Variants in SMYD3 observed in about 807,000 individuals in gnomAD.
SMYD3 encodes the protein SET and MYND domain containing 3.
Under a neutral mutation model 57.7 loss-of-function variants are expected in SMYD3, and 36 were observed. That is an observed-to-expected ratio of 0.62 (90% CI 0.48 to 0.82). The LOEUF (loss-of-function observed/expected upper bound fraction) is 0.82. SMYD3 is among the 40% of genes least tolerant of loss of function. SMYD3 has a pLI of 0.00. For synonymous variants in SMYD3, 211 were observed against 195.0 expected, an observed-to-expected ratio of 1.08 and a Z score of -0.68; for missense variants, 515 against 538.8, an observed-to-expected ratio of 0.96 and a Z score of 0.44.
intron 1 of SMYD3, among the ~76,000 whole-genome samples, chr1:246,373,539 T>C (rs1363161736): frequency 6.6e-6 from 1 of 152,162 alleles, no homozygotes; most frequent in Non-Finnish European, 1.5e-5. Context: ...CAACTTACAA[T>C]AATAAAATCA....
intron 5 of SMYD3, among the ~76,000 whole-genome samples, chr1:246,318,500 AT>A (rs1242292984): frequency 6.6e-6 from 1 of 152,244 alleles, no homozygotes; most frequent in African/African-American, 2.4e-5. Context: ...GACCTCCTGC[AT>A]ACAATGAAGG....
intron 5 of SMYD3, among the ~76,000 whole-genome samples, chr1:246,112,560 GA>G (rs1265837282): frequency 8.5e-5 from 13 of 152,130 alleles, no homozygotes; most frequent in African/African-American, 3.1e-4. Flanking sequence ...AAAGGGATCA[GA>G]GCTAAATGGA....
chr1:246,311,657 G>A (rs548896330), intron 5 of SMYD3, among the ~76,000 whole-genome samples: 7 of 152,188 alleles, frequency 4.6e-5, no homozygotes, highest in Non-Finnish European at 7.4e-5. Flanking sequence ...ACACACACGC[G>A]CACGCGCGCA....
intron 11 of SMYD3, among the ~76,000 whole-genome samples, chr1:245,763,270 A>G (rs2045929807): frequency 6.6e-6 from 1 of 152,116 alleles, no homozygotes; most frequent in Non-Finnish European, 1.5e-5. Flanking sequence ...CATGGCACTG[A>G]GCTGGTTGCC....
chr1:246,461,994 C>CA (rs1475746685), intron 1 of SMYD3, among the ~76,000 whole-genome samples: 1 of 152,116 alleles, frequency 6.6e-6, no homozygotes, highest in Non-Finnish European at 1.5e-5. Context: ...AAGTGCAACA[C>CA]AGAGTAGAGT....
chr1:245,920,093 C>T (rs1464558750), intron 7 of SMYD3, among the ~76,000 whole-genome samples: 1 of 152,124 alleles, frequency 6.6e-6, no homozygotes. Context: ...GCGGTAGGAT[C>T]ACGAGGTCAG....
At chr1:245,809,435 C>T (rs1305699432) in intron 10 of SMYD3, among the ~76,000 whole-genome samples, 1 of 152,144 alleles carries the variant, frequency 6.6e-6, no homozygotes, top group Non-Finnish European at 1.5e-5. Context: ...AGGAGAGGCG[C>T]TTTCTTCCCA....
At chr1:246,205,092 CT>C (rs923523501) in intron 5 of SMYD3, among the ~76,000 whole-genome samples, 3 of 152,190 alleles carry the variant, frequency 2.0e-5, no homozygotes, top group African/African-American at 7.2e-5. Flanking sequence ...CACTTATGAA[CT>C]GTCAAAATTA....
rs1207043419 is a variant in SMYD3, at chr1:246,411,996, TAAG to T, written c.165-56905_165-56903del. Among the ~76,000 whole-genome samples, 38 of 149,846 alleles carry T rather than the reference TAAG, an allele frequency of 2.5e-4. No individual in the cohort carries two copies. In the East Asian group the frequency reaches 6.4e-3, roughly 25 times the overall value. Reference sequence around the variant, plus strand: ...ATAATAAAAAAAAAAAAAAAAAACTTAAGGTACAGCAGCCACTATCCTGTCTCT... The same window carrying T: ...ATAATAAAAAAAAAAAAAAAAAACTTGTACAGCAGCCACTATCCTGTCTCT... On this transcript the variant is annotated intron_variant, in intron 1 of 11. Coordinates refer to ENST00000490107, the MANE Select transcript of SMYD3 (RefSeq NM_001167740.2).
chr1:245,946,683 G>A (rs1000768254), intron 5 of SMYD3, among the ~76,000 whole-genome samples: 1 of 152,044 alleles, frequency 6.6e-6, no homozygotes, highest in African/African-American at 2.4e-5. Flanking sequence ...CTAAAGGTCG[G>A]GTCTGAAACA....
chr1:245,984,858 C>T (rs1328554660), intron 5 of SMYD3, among the ~76,000 whole-genome samples: 1 of 152,142 alleles, frequency 6.6e-6, no homozygotes, highest in Non-Finnish European at 1.5e-5. Flanking sequence ...TCCTTCTGTA[C>T]ACATGTAGGT....
At chr1:246,490,808 A>C (rs757997353) in intron 1 of SMYD3, among the ~76,000 whole-genome samples, 27 of 152,166 alleles carry the variant, frequency 1.8e-4, no homozygotes, top group Non-Finnish European at 3.4e-4. Flanking sequence ...TCAAGGCTGC[A>C]GTGAGCCATG....
chr1:246,264,374 G>A (rs1411597465), intron 5 of SMYD3, among the ~76,000 whole-genome samples: 1 of 152,174 alleles, frequency 6.6e-6, no homozygotes, highest in East Asian at 1.9e-4. Flanking sequence ...AATTAGCTGG[G>A]TGCAATGGCT....
intron 5 of SMYD3, among the ~76,000 whole-genome samples, chr1:246,119,761 A>C (rs2061396842): frequency 6.6e-6 from 1 of 152,128 alleles, no homozygotes; most frequent in African/African-American, 2.4e-5. Context: ...AGAAGTTCTA[A>C]GCCCTGCTGC....
intron 2 of SMYD3, among the ~76,000 whole-genome samples, chr1:246,351,155 C>A (rs150324206): frequency 6.6e-6 from 1 of 152,078 alleles, no homozygotes; most frequent in Non-Finnish European, 1.5e-5. Flanking sequence ...CCCAAAAATA[C>A]GATTCACATT....
chr1:246,231,566 GA>G (rs1234341155), intron 5 of SMYD3, among the ~76,000 whole-genome samples: 2 of 152,026 alleles, frequency 1.3e-5, no homozygotes, highest in Admixed American at 1.3e-4. Context: ...TTGACACACA[GA>G]AAAAAGAAGT....
chr1:245,937,974 T>C (rs1035323989), intron 5 of SMYD3, among the ~76,000 whole-genome samples: 1 of 152,116 alleles, frequency 6.6e-6, no homozygotes, highest in Non-Finnish European at 1.5e-5. Context: ...TGTTTTTCCG[T>C]CAAATTAATG....
At position 246,218,243 on chromosome 1, in the gene SMYD3, G is replaced by A. The variant is rs1353822838; in HGVS notation, c.531+108958C>T. 2.0e-4 allele frequency among the ~76,000 whole-genome samples: 31 copies of A among 151,538 alleles called. 1 individual carries two copies. The highest frequency in any genetic ancestry group is 1.5e-5 in the Non-Finnish European group (1 of 67,882). ...AGAAAACCTGTTAAAAAAAAAGCCAGTGAAAGGAACATAAGATTCAAGATA... is the reference window on the plus strand; with the variant it reads ...AGAAAACCTGTTAAAAAAAAAGCCAATGAAAGGAACATAAGATTCAAGATA... On this transcript the variant is annotated intron_variant, in intron 5 of 11. Transcript: ENST00000490107.
intron 10 of SMYD3, among the ~76,000 whole-genome samples, chr1:245,774,717 TC>T (rs1319733479): frequency 1.4e-5 from 2 of 143,134 alleles, no homozygotes; most frequent in Non-Finnish European, 3.1e-5. Flanking sequence ...GGTCTCCCTC[TC>T]CCTCTCTTTC....
Sources: allele counts gnomAD v4.1 joint callset (sites outside exome capture counted in the v4.1 genomes callset), GRCh38; gene constraint gnomAD v4.1.1; transcripts MANE v1.5; gene names NCBI Gene and HGNC (gene_info 2026-07-23, HGNC 2026-07-21).